The following GSTCD variants were observed in gnomAD, a reference collection of about 807,000 sequenced individuals.
GSTCD encodes the protein glutathione S-transferase C-terminal domain containing.
Under a neutral mutation model 68.3 loss-of-function variants are expected in GSTCD, and 44 were observed. The ratio of observed to expected loss-of-function variants is 0.64; its 90% CI spans 0.51 to 0.83. The LOEUF (loss-of-function observed/expected upper bound fraction) is 0.83, where lower values mean the gene tolerates loss of function less well. GSTCD is among the 40% of genes least tolerant of loss of function. The pLI, the probability that GSTCD is intolerant of heterozygous loss-of-function variation, is 0.00. For synonymous variants in GSTCD, 273 were observed against 255.2 expected (o/e 1.07, Z -0.67); for missense variants, 739 against 735.9 (o/e 1.00, Z -0.05).
At chr4:105,733,698 T>C (rs980514759) in intron 5 of GSTCD, among the ~76,000 whole-genome samples, 3 of 152,246 alleles carry the variant, frequency 2.0e-5, no homozygotes, top group African/African-American at 7.2e-5. Context: ...TTAAGGTTAA[T>C]ATTGTTATGT....
At chr4:105,727,242 G>A (rs905620654) in intron 4 of GSTCD, among the ~76,000 whole-genome samples, 1 of 151,918 alleles carries the variant, frequency 6.6e-6, no homozygotes, top group Non-Finnish European at 1.5e-5. Flanking sequence ...ATAAAGATAA[G>A]GCTGGGTGTA....
At chr4:105,842,016 T>C in intron 10 of GSTCD, 49 bp from the exon 11 acceptor site, 1 of 1,424,850 alleles carries the variant, frequency 7.0e-7, no homozygotes, top group Non-Finnish European at 9.9e-7. Flanking sequence ...TTTATAACTT[T>C]GAAGCAGAAG....
intron 5 of GSTCD, among the ~76,000 whole-genome samples, chr4:105,797,612 A>G (rs900137794): frequency 3.9e-5 from 6 of 152,122 alleles, no homozygotes; most frequent in Non-Finnish European, 2.9e-5. Context: ...CTGACTGACC[A>G]GGGTGGTGGT....
chr4:105,750,519 A>C (rs1733977743), intron 5 of GSTCD, among the ~76,000 whole-genome samples: 1 of 152,128 alleles, frequency 6.6e-6, no homozygotes, highest in Non-Finnish European at 1.5e-5. Context: ...GATGCAGAGA[A>C]ACTGGATCAC....
chr4:105,800,079 T>C (rs543321428), intron 5 of GSTCD, among the ~76,000 whole-genome samples: 20 of 152,176 alleles, frequency 1.3e-4, no homozygotes, highest in Non-Finnish European at 2.5e-4. Context: ...ATACCTGTAT[T>C]AGTCCATTTC....
chr4:105,728,109 G>T (rs970246702), intron 4 of GSTCD, among the ~76,000 whole-genome samples: 1 of 152,112 alleles, frequency 6.6e-6, no homozygotes, highest in Non-Finnish European at 1.5e-5. Context: ...TCTAGATTTT[G>T]ATGTGTCTTG....
chr4:105,839,763 G>A (rs140184766), intron 10 of GSTCD, among the ~76,000 whole-genome samples: 55 of 152,288 alleles, frequency 3.6e-4, no homozygotes, highest in Non-Finnish European at 6.5e-4. Flanking sequence ...TCCCTCCTTT[G>A]AGTGATGCTA....
At chr4:105,771,174 T>C (rs1160284392) in intron 5 of GSTCD, among the ~76,000 whole-genome samples, 3 of 152,212 alleles carry the variant, frequency 2.0e-5, no homozygotes. Flanking sequence ...ATGTCTTCTT[T>C]TGAGAACTGT....
intron 1 of GSTCD, among the ~76,000 whole-genome samples, chr4:105,716,975 T>C (rs2080953550): frequency 6.6e-6 from 1 of 151,954 alleles, no homozygotes; most frequent in Admixed American, 6.6e-5. Flanking sequence ...GGAAGACACA[T>C]AAGGAGCAGG....
chr4:105,754,455 G>T (rs1461453688), intron 5 of GSTCD, among the ~76,000 whole-genome samples: 1 of 151,994 alleles, frequency 6.6e-6, no homozygotes, highest in Non-Finnish European at 1.5e-5. Context: ...AATTTTGTAT[G>T]CTTATTTGTG....
At chr4:105,730,659 T>C (rs570265285) in intron 5 of GSTCD, among the ~76,000 whole-genome samples, 26 of 152,128 alleles carry the variant, frequency 1.7e-4, no homozygotes, top group Admixed American at 3.3e-4. Flanking sequence ...GTCAGATGAG[T>C]AGATGGCAAA....
intron 8 of GSTCD, among the ~76,000 whole-genome samples, chr4:105,830,275 G>C (rs962317857): frequency 1.3e-5 from 2 of 152,080 alleles, no homozygotes; most frequent in African/African-American, 4.8e-5. Flanking sequence ...CCATAATTTA[G>C]AATCAAAATG....
intron 5 of GSTCD, among the ~76,000 whole-genome samples, chr4:105,812,501 T>C (rs936887899): frequency 6.6e-6 from 1 of 152,086 alleles, no homozygotes; most frequent in Admixed American, 6.6e-5. Flanking sequence ...TACCTGGCTG[T>C]ATACTATGTT....
chr4:105,815,214 T>G (rs1722925749), intron 5 of GSTCD: 1 of 152,176 alleles, frequency 6.6e-6, no homozygotes, highest in African/African-American at 2.4e-5. Flanking sequence ...TGGGAAAGCT[T>G]GTCTGTTCTC....
chr4:105,829,519 C>T (rs1209193246), intron 8 of GSTCD, among the ~76,000 whole-genome samples: 2 of 152,118 alleles, frequency 1.3e-5, no homozygotes, highest in African/African-American at 2.4e-5. Flanking sequence ...GAATGAGGAG[C>T]AAAGTCACAT....
intron 5 of GSTCD, among the ~76,000 whole-genome samples, chr4:105,780,164 G>A (rs1735223960): frequency 6.6e-6 from 1 of 152,180 alleles, no homozygotes; most frequent in Non-Finnish European, 1.5e-5. Context: ...GACAGACCCA[G>A]GAGTATGTCA....
intron 5 of GSTCD, among the ~76,000 whole-genome samples, chr4:105,793,343 A>T (rs145633194): frequency 1.5e-4 from 23 of 151,726 alleles, no homozygotes; most frequent in African/African-American, 5.1e-4. Context: ...TCTCTGATCA[A>T]TCTGTTTTCA....
intron 5 of GSTCD, among the ~76,000 whole-genome samples, chr4:105,739,033 T>C (rs1035733766): frequency 6.6e-6 from 1 of 152,230 alleles, no homozygotes; most frequent in African/African-American, 2.4e-5. Context: ...TTGTTGAGAA[T>C]TTTTATCACA....
chr4:105,717,013 T>C (rs1020105963), intron 1 of GSTCD, among the ~76,000 whole-genome samples: 6 of 152,182 alleles, frequency 3.9e-5, no homozygotes, highest in Admixed American at 3.3e-4. Context: ...AATAAGGAAC[T>C]GGATTTTGGA....
Sources: allele counts gnomAD v4.1 joint callset (sites outside exome capture counted in the v4.1 genomes callset), GRCh38; gene constraint gnomAD v4.1.1; transcripts MANE v1.5; gene names NCBI Gene and HGNC (gene_info 2026-07-23, HGNC 2026-07-21).